The following NETO1 variants were observed in gnomAD, a reference collection of about 807,000 sequenced individuals.
NETO1 encodes the protein neuropilin and tolloid like 1, also known as neuropilin and tolloid-like protein 1.
NETO1 carries 26 observed loss-of-function variants against 61.3 expected under a neutral mutation model. The observed-to-expected ratio is 0.42, with a 90% CI of 0.31 to 0.59. The LOEUF is 0.59. NETO1 is among the 20% of genes least tolerant of loss of function. NETO1 has a pLI of 0.12. For synonymous variants in NETO1, 225 were observed against 225.8 expected (o/e 1.00, Z 0.03); for missense variants, 531 against 662.8 (o/e 0.80, Z 2.18).
At chr18:72,755,048 A>C (rs1335278388) in intron 8 of NETO1, among the ~76,000 whole-genome samples, 1 of 152,216 alleles carries the variant, frequency 6.6e-6, no homozygotes, top group Non-Finnish European at 1.5e-5. Flanking sequence ...AAAAAAATAA[A>C]TATGGACTTT....
chr18:72,797,329 T>C (rs144361018), intron 4 of NETO1, among the ~76,000 whole-genome samples: 2 of 152,356 alleles, frequency 1.3e-5, no homozygotes, highest in East Asian at 3.9e-4. Context: ...TTTGTCTTTG[T>C]ATTAATAGTG....
At chr18:72,844,243 C>A (rs1439664104) in intron 4 of NETO1, among the ~76,000 whole-genome samples, 1 of 150,570 alleles carries the variant, frequency 6.6e-6, no homozygotes, top group Non-Finnish European at 1.5e-5. Flanking sequence ...TACCAAGTTT[C>A]TTCTTTCACT....
At chr18:72,831,115 C>T (rs924917677) in intron 4 of NETO1, among the ~76,000 whole-genome samples, 1 of 152,152 alleles carries the variant, frequency 6.6e-6, no homozygotes, top group Non-Finnish European at 1.5e-5. Flanking sequence ...AACAACAGCC[C>T]ATCTATTCAC....
At chr18:72,810,644 A>G (rs139953403) in intron 4 of NETO1, among the ~76,000 whole-genome samples, 1 of 152,314 alleles carries the variant, frequency 6.6e-6, no homozygotes, top group African/African-American at 2.4e-5. Context: ...GCACTCTGAA[A>G]TGGTGCACTT....
intron 3 of NETO1, 147 bp from the exon 4 acceptor site, chr18:72,859,221 T>C: frequency 1.3e-6 from 1 of 761,064 alleles, no homozygotes; most frequent in Non-Finnish European, 2.0e-6. Flanking sequence ...CATATGATAC[T>C]ATTCTACGGG....
rs534225226 is a variant in NETO1, at chr18:72,822,274, G to C, written c.470-27870C>G. On this transcript the variant is annotated intron_variant, in intron 4 of 10. Coordinates refer to ENST00000327305, the MANE Select transcript of NETO1 (RefSeq NM_138966.5). The stretch of plus-strand genomic sequence containing the variant: ...GGGCTGGGAAAGGATGGGCTCAGTG[G>C]GACAGCTGCCAACAAGGTGGGCAGG... Among the ~76,000 whole-genome samples the C allele has an allele frequency of 8.5e-5, 13 of 152,282 alleles. No individual in the cohort carries two copies. In the South Asian group the frequency reaches 2.7e-3, roughly 32 times the overall value.
intron 4 of NETO1, among the ~76,000 whole-genome samples, chr18:72,824,196 A>C (rs1447542196): frequency 6.6e-6 from 1 of 152,224 alleles, no homozygotes; most frequent in Non-Finnish European, 1.5e-5. Context: ...TGATCTCAGT[A>C]AATAGAGCTC....
At chr18:72,822,792 C>G (rs1413551388) in intron 4 of NETO1, among the ~76,000 whole-genome samples, 1 of 152,126 alleles carries the variant, frequency 6.6e-6, no homozygotes, top group Non-Finnish European at 1.5e-5. Context: ...TACATATAAT[C>G]ATATTTCCCC....
chr18:72,862,612 C>CTTTTTTTTCTTTT (rs1568275640), intron 3 of NETO1, among the ~76,000 whole-genome samples: 1 of 106,900 alleles, frequency 9.4e-6, no homozygotes, highest in African/African-American at 2.8e-5. Flanking sequence ...ACTCATGATC[C>CTTTTTTTTCTTTT]TTTTTTTTTC....
chr18:72,843,799 G>T (rs2074005867), intron 4 of NETO1, among the ~76,000 whole-genome samples: 1 of 152,190 alleles, frequency 6.6e-6, no homozygotes, highest in African/African-American at 2.4e-5. Context: ...CAAAAAACTG[G>T]TGCCAATTGG....
chr18:72,746,131 G>C lies in NETO1; in HGVS notation c.*2048C>G, dbSNP rs1223331560. On this transcript the variant is annotated 3_prime_UTR_variant, in exon 11 of 11. Transcript: ENST00000327305. ...CGGACAGTTATAGAACAAATTAATA[G>C]TAAAATGTTCACCTAACTTATTTCA... Among the ~76,000 whole-genome samples, 2 of 152,066 alleles carry C rather than the reference G, an allele frequency of 1.3e-5. No individual in the cohort carries two copies. Among genetic ancestry groups the C allele is most frequent in the Non-Finnish European group, 2.9e-5 (2 of 67,992 alleles).
At chr18:72,828,055 G>A (rs76637998) in intron 4 of NETO1, among the ~76,000 whole-genome samples, 5,254 of 152,288 alleles carry the variant, frequency 0.035, 106 homozygotes, top group South Asian at 0.07. Context: ...GCTCACGCCT[G>A]TAATCCCAAC....
At chr18:72,851,986 G>T (rs67268571) in intron 4 of NETO1, among the ~76,000 whole-genome samples, 1 of 151,944 alleles carries the variant, frequency 6.6e-6, no homozygotes, top group Non-Finnish European at 1.5e-5. Flanking sequence ...TAAGTAGAAA[G>T]GTTGAAGGAA....
intron 6 of NETO1, among the ~76,000 whole-genome samples, chr18:72,785,928 T>G (rs1041179553): frequency 6.6e-6 from 1 of 152,172 alleles, no homozygotes; most frequent in Non-Finnish European, 1.5e-5. Flanking sequence ...ACAGCCTCCA[T>G]GTGATTTTGA....
intron 4 of NETO1, among the ~76,000 whole-genome samples, chr18:72,829,360 T>G (rs142582466): frequency 3.7e-4 from 56 of 152,234 alleles, no homozygotes; most frequent in African/African-American, 1.3e-3. Flanking sequence ...TTAAAGAAAC[T>G]TAAAAAGTTA....
intron 7 of NETO1, among the ~76,000 whole-genome samples, chr18:72,762,948 G>A (rs750259130): frequency 3.9e-5 from 6 of 152,176 alleles, no homozygotes; most frequent in Non-Finnish European, 8.8e-5. Context: ...TTTACATAAT[G>A]TATTTAATAA....
rs185715906 is a variant in NETO1 at position 72,859,378 on chromosome 18, G to A, written c.221-304C>T. 3.7e-4 allele frequency among the ~76,000 whole-genome samples: 56 copies of A among 152,292 alleles called. 1 individual carries two copies. The East Asian group carries it at 0.01, about 28-fold the overall frequency. ...TTTTATGAAAGGCTGTTAACTTGGAGTTAGAAGGTCAAGGAATATTTTTCT... is the reference window on the plus strand; with the variant it reads ...TTTTATGAAAGGCTGTTAACTTGGAATTAGAAGGTCAAGGAATATTTTTCT... On this transcript the variant is annotated intron_variant, in intron 3 of 10. Transcript: ENST00000327305.
chr18:72,783,950 A>T, intron 6 of NETO1, 44 bp from the exon 7 acceptor site: 1 of 1,355,302 alleles, frequency 7.4e-7, no homozygotes, highest in Non-Finnish European at 1.1e-6. Context: ...CAAAATATGA[A>T]TGTACATCAG....
rs891846021 is a variant in NETO1, at chr18:72,831,948, G to C, written c.469+26878C>G. ...TAAGTGTTGGTGTTGTCTCTTGAAA[G>C]TGTTATTCTATATTGTAGCATAGTT... is the stretch of plus-strand genomic sequence containing the variant. On this transcript the variant is annotated intron_variant, in intron 4 of 10. Transcript: ENST00000327305. Among the ~76,000 whole-genome samples the C allele has an allele frequency of 1.3e-4, 20 of 151,570 alleles. 1 individual carries two copies. Among genetic ancestry groups the C allele is most frequent in the African/African-American group, 4.8e-4 (20 of 41,382 alleles).
Sources: allele counts gnomAD v4.1 joint callset (sites outside exome capture counted in the v4.1 genomes callset), GRCh38; gene constraint gnomAD v4.1.1; transcripts MANE v1.5; gene names NCBI Gene and HGNC (gene_info 2026-07-23, HGNC 2026-07-21).